The following COBL variants were observed in gnomAD, a reference collection of about 807,000 sequenced individuals.
COBL encodes cordon-bleu WH2 repeat protein.
A neutral mutation model predicts 98.8 loss-of-function variants in COBL; 51 were observed. The observed-to-expected ratio is 0.52, with a 90% CI of 0.41 to 0.65. The LOEUF (loss-of-function observed/expected upper bound fraction) is 0.65, where lower values mean the gene tolerates loss of function less well. Among genes scored for constraint, COBL ranks in the 30% least tolerant of loss-of-function variants. The probability of loss-of-function intolerance (pLI) is 0.00; values close to 1 mark genes in which losing one functional copy is unlikely to be tolerated. For missense variants in COBL, 1,617 were observed against 1,617.5 expected, an observed-to-expected ratio of 1.00 and a Z score of 0.01; for synonymous variants, 634 against 651.7, an observed-to-expected ratio of 0.97 and a Z score of 0.41.
intron 2 of COBL, among the ~76,000 whole-genome samples, chr7:51,216,946 G>A (rs1793106207): frequency 6.6e-6 from 1 of 152,192 alleles, no homozygotes; most frequent in African/African-American, 2.4e-5. Context: ...TTAATAAAGA[G>A]CATAACATAA....
intron 1 of COBL, among the ~76,000 whole-genome samples, chr7:51,237,996 G>T (rs749027524): frequency 2.6e-5 from 4 of 152,132 alleles, no homozygotes; most frequent in Non-Finnish European, 5.9e-5. Flanking sequence ...ACCCTCCAGG[G>T]CATGCCCCTC....
At chr7:51,250,699 A>C (rs1454318459) in intron 1 of COBL, among the ~76,000 whole-genome samples, 1 of 152,236 alleles carries the variant, frequency 6.6e-6, no homozygotes. Context: ...CATATGGCTA[A>C]GCCATCATAA....
In COBL at chr7:51,040,267, A is replaced by C. The variant is rs191852454; in HGVS notation, c.1406+3116T>G. Among the ~76,000 whole-genome samples, 498 of 150,210 alleles carry C rather than the reference A, an allele frequency of 3.3e-3. 13 individuals are homozygous for C. The South Asian group carries it at 0.043, about 13-fold the overall frequency. ...CTATGAAATCCCCCCTCCCCTCAAA[A>C]ACACACACACACACACACAAAACTA... On this transcript the variant is annotated intron_variant, in intron 8 of 12. Transcript: ENST00000265136.
At chr7:51,131,238 T>C (rs144021703) in intron 6 of COBL, among the ~76,000 whole-genome samples, 95 of 152,328 alleles carry the variant, frequency 6.2e-4, no homozygotes, top group African/African-American at 2.0e-3. Flanking sequence ...CTGGAATAAC[T>C]TTAAAATATT....
At chr7:51,043,356 T>C in intron 8 of COBL, 27 bp downstream of exon 8, 1 of 1,604,440 alleles carries the variant, frequency 6.2e-7, no homozygotes, top group Non-Finnish European at 8.5e-7. Context: ...GTGACTTCCG[T>C]ACCCACCCAT....
chr7:51,313,733 T>C (rs1411945588), intron 1 of COBL, among the ~76,000 whole-genome samples: 1 of 152,262 alleles, frequency 6.6e-6, no homozygotes, highest in Non-Finnish European at 1.5e-5. Flanking sequence ...CCCTGTGTTC[T>C]GTAACAGCCG....
intron 5 of COBL, among the ~76,000 whole-genome samples, chr7:51,183,697 A>T (rs1388248491): frequency 6.6e-6 from 1 of 152,256 alleles, no homozygotes; most frequent in East Asian, 1.9e-4. Flanking sequence ...CATAAGCTAC[A>T]GTTCACTGAT....
At chr7:51,209,046 T>C (rs141675043) in intron 2 of COBL, among the ~76,000 whole-genome samples, 1 of 43,426 alleles carries the variant, frequency 2.3e-5, no homozygotes, top group African/African-American at 8.1e-5. Flanking sequence ...AATGATCAAT[T>C]AAAAAAAAAA....
rs181689349 is a variant in COBL, at chr7:51,037,049, T to A, written c.1407-6140A>T. 4.8e-3 allele frequency among the ~76,000 whole-genome samples: 724 copies of A among 152,252 alleles called. 2 individuals carry two copies. Among genetic ancestry groups the A allele is most frequent in the African/African-American group, 0.017 (692 of 41,530 alleles). On this transcript the variant is annotated intron_variant, in intron 8 of 12. Coordinates refer to ENST00000265136, the MANE Select transcript of COBL (RefSeq NM_015198.5). The stretch of plus-strand genomic sequence containing the variant: ...AGATACAGTCTCCTCTACTTCCCCA[T>A]CCATCTCTCTCTCTCTGTCTCTCTC...
At chr7:51,223,524 C>T (rs1793867490) in intron 1 of COBL, among the ~76,000 whole-genome samples, 1 of 152,196 alleles carries the variant, frequency 6.6e-6, no homozygotes, top group Non-Finnish European at 1.5e-5. Context: ...GTCTGAAGAT[C>T]TCCACCAGCC....
chr7:51,283,229 A>G (rs959384365), intron 1 of COBL, among the ~76,000 whole-genome samples: 1 of 152,268 alleles, frequency 6.6e-6, no homozygotes, highest in Admixed American at 6.5e-5. Context: ...AATCTGAGAA[A>G]CCTATAAAAA....
At position 51,098,220 on chromosome 7, in the gene COBL, G is replaced by GTTTTTTTTTTTTTTTTTTTTTTTTTTTTT. The variant is rs1276606651; in HGVS notation, c.958-12917_958-12916insAAAAAAAAAAAAAAAAAAAAAAAAAAAAA. Among the ~76,000 whole-genome samples the GTTTTTTTTTTTTTTTTTTTTTTTTTTTTT allele has an allele frequency of 7.3e-4, 38 of 52,288 alleles. 1 individual carries two copies. The highest frequency in any genetic ancestry group is 0.014 in the Middle Eastern group (1 of 74). 34.3% of individuals were successfully genotyped at this position (52,288 alleles called of 152,430 possible). A position where few individuals can be genotyped will look rare whatever the true frequency, so the allele number is the denominator to read the frequency against. On this transcript the variant is annotated intron_variant, in intron 6 of 12. Transcript: ENST00000265136. Reference sequence around the variant, plus strand: ...AATCACTACCAAAATCCCAATAGCAGTTTCTTTTTTTTTTTTGGAGAAATA... The same window carrying GTTTTTTTTTTTTTTTTTTTTTTTTTTTTT: ...AATCACTACCAAAATCCCAATAGCAGTTTTTTTTTTTTTTTTTTTTTTTTTTTTTTTTCTTTTTTTTTTTTGGAGAAATA...
chr7:51,127,678 G>A (rs909297231), intron 6 of COBL, among the ~76,000 whole-genome samples: 4 of 152,144 alleles, frequency 2.6e-5, no homozygotes, highest in Admixed American at 2.0e-4. Flanking sequence ...GAAAAGTCTG[G>A]GGGGCGTGGC....
At chr7:51,122,369 G>A (rs971544762) in intron 6 of COBL, among the ~76,000 whole-genome samples, 1 of 152,184 alleles carries the variant, frequency 6.6e-6, no homozygotes, top group South Asian at 2.1e-4. Flanking sequence ...GGATGTTTGT[G>A]TCGGACAGGA....
intron 4 of COBL, among the ~76,000 whole-genome samples, chr7:51,188,591 G>A (rs1295781650): frequency 2.6e-5 from 4 of 152,204 alleles, no homozygotes; most frequent in Non-Finnish European, 4.4e-5. Flanking sequence ...GGTGCCTTGG[G>A]GGTGGGGTGG....
chr7:51,142,080 T>A (rs1365831807), intron 5 of COBL, among the ~76,000 whole-genome samples: 1 of 152,100 alleles, frequency 6.6e-6, no homozygotes, highest in Non-Finnish European at 1.5e-5. Flanking sequence ...GAAAGAACCA[T>A]GAAGCATGCC....
At chr7:51,245,734 GA>G (rs1796228359) in intron 1 of COBL, among the ~76,000 whole-genome samples, 1 of 152,202 alleles carries the variant, frequency 6.6e-6, no homozygotes, top group African/African-American at 2.4e-5. Flanking sequence ...GGGGCAATAA[GA>G]TAGACACAAC....
chr7:51,192,014 C>A (rs1008334806), intron 3 of COBL, among the ~76,000 whole-genome samples: 1 of 152,168 alleles, frequency 6.6e-6, no homozygotes. Flanking sequence ...CAAGTGGAAT[C>A]ATGCAGATGC....
At chr7:51,098,759 T>G (rs6593328) in intron 6 of COBL, among the ~76,000 whole-genome samples, 101,943 of 152,032 alleles carry the variant, frequency 0.67, 35,596 homozygotes, top group African/African-American at 0.88. Flanking sequence ...TAGACTAATG[T>G]GAGTATATCA....
Sources: allele counts gnomAD v4.1 joint callset (sites outside exome capture counted in the v4.1 genomes callset), GRCh38; gene constraint gnomAD v4.1.1; transcripts MANE v1.5; gene names NCBI Gene and HGNC (gene_info 2026-07-23, HGNC 2026-07-21).